Variants in ZBBX observed in about 807,000 individuals in gnomAD.
The protein encoded by ZBBX is zinc finger B-box domain-containing protein 1.
A neutral mutation model predicts 108.5 loss-of-function variants in ZBBX; 101 were observed. The ratio of observed to expected loss-of-function variants is 0.93; its 90% confidence interval spans 0.79 to 1.10. ZBBX has a LOEUF of 1.10. Ranked by LOEUF, ZBBX falls within the 50% of genes least tolerant of loss-of-function variation. The probability of loss-of-function intolerance (pLI) is 0.00; values close to 1 mark genes in which losing one functional copy is unlikely to be tolerated. For synonymous variants in ZBBX, 356 were observed against 323.4 expected (o/e 1.10, Z -1.08); for missense variants, 1,009 against 941.4 (o/e 1.07, Z -0.94).
At chr3:167,355,262 C>T (rs1743355563) in intron 8 of ZBBX, among the ~76,000 whole-genome samples, 2 of 151,974 alleles carry the variant, frequency 1.3e-5, no homozygotes, top group South Asian at 4.1e-4. Flanking sequence ...CAACAAAACA[C>T]ACTGTTTATT....
chr3:167,366,681 T>C (rs575908971), intron 5 of ZBBX: 56 of 357,960 alleles, frequency 1.6e-4, no homozygotes, highest in African/African-American at 1.1e-3. Flanking sequence ...TTAATATCTG[T>C]GTGACCTCAG....
At chr3:167,330,868 G>GAAGAAGAAGAAGAAGAAGAAGA (rs1553820652) in intron 10 of ZBBX, among the ~76,000 whole-genome samples, 800 of 43,024 alleles carry the variant, frequency 0.019, 18 homozygotes, top group Middle Eastern at 0.047. Context: ...GGAGGAGGAG[G>GAAGAAGAAGAAGAAGAAGAAGA]AGGAGAAGAA....
chr3:167,249,204 A>G (rs925561009), intron 20 of ZBBX, among the ~76,000 whole-genome samples: 1 of 151,904 alleles, frequency 6.6e-6, no homozygotes, highest in Non-Finnish European at 1.5e-5. Context: ...GGAAGGAACC[A>G]TTCATTTCTA....
rs890026621 is a variant in ZBBX at position 167,289,039 on chromosome 3, T to C, written c.1880-56A>G. 1.5e-5 allele frequency: 19 copies of C among 1,257,646 alleles called. No individual in the cohort carries two copies. In the African/African-American group the frequency reaches 2.8e-4, roughly 19 times the overall value. The allele number at this position is 1,257,646 out of a possible 1,614,324, so 77.9% of individuals were successfully genotyped here. ...AGTTTGAAAAGAAGAAAATCCATTT[T>C]ATTAGTTTTATATTTATGTCTTACT... On this transcript the variant is annotated intron_variant, in intron 18 of 21. Coordinates refer to ENST00000675490, the MANE Select transcript of ZBBX (RefSeq NM_001199201.2).
chr3:167,251,074 C>T (rs1007215468), intron 20 of ZBBX, among the ~76,000 whole-genome samples: 1 of 152,140 alleles, frequency 6.6e-6, no homozygotes, highest in Non-Finnish European at 1.5e-5. Flanking sequence ...AGACCACTGA[C>T]CAGCAGGCCA....
chr3:167,234,835 A>G, the ZBBX span, among the ~76,000 whole-genome samples: 1 of 151,772 alleles, frequency 6.6e-6, no homozygotes, highest in South Asian at 2.1e-4. Context: ...TTGCATCTAG[A>G]CATAGCTAAA....
intron 1 of ZBBX, among the ~76,000 whole-genome samples, chr3:167,398,468 T>A (rs778856703): frequency 1.2e-4 from 18 of 152,104 alleles, no homozygotes; most frequent in Non-Finnish European, 2.5e-4. Flanking sequence ...TCTGGATTTT[T>A]ATGAACTTTA....
intron 8 of ZBBX, among the ~76,000 whole-genome samples, chr3:167,352,750 C>A: frequency 6.7e-6 from 1 of 150,310 alleles, no homozygotes; most frequent in South Asian, 2.1e-4. Flanking sequence ...CAAATTGAAT[C>A]CAACAACACA....
chr3:167,241,171 G>A (rs1258287970), intron 21 of ZBBX, among the ~76,000 whole-genome samples: 4 of 152,148 alleles, frequency 2.6e-5, no homozygotes, highest in Non-Finnish European at 5.9e-5. Context: ...TATGGTCTCT[G>A]ATTGTGTCTT....
intron 20 of ZBBX, among the ~76,000 whole-genome samples, chr3:167,245,429 CTTGT>C (rs1453529002): frequency 6.6e-6 from 1 of 152,098 alleles, no homozygotes; most frequent in African/African-American, 2.4e-5. Flanking sequence ...TGCACTATGT[CTTGT>C]TTATTTCTCC....
intron 1 of ZBBX, among the ~76,000 whole-genome samples, chr3:167,404,136 A>C (rs1648142965): frequency 6.6e-6 from 1 of 152,190 alleles, no homozygotes; most frequent in South Asian, 2.1e-4. Context: ...TGGTTCGGCT[A>C]TATGAATAGC....
chr3:167,405,809 C>T (rs6777059), intron 1 of ZBBX, among the ~76,000 whole-genome samples: 26,314 of 152,114 alleles, frequency 0.17, 2,646 homozygotes, highest in East Asian at 0.33. Context: ...TGGTGGCTGA[C>T]GCCTGTAATC....
At chr3:167,274,782 C>T (rs960852022) in intron 20 of ZBBX, among the ~76,000 whole-genome samples, 3 of 152,078 alleles carry the variant, frequency 2.0e-5, no homozygotes, top group Admixed American at 2.0e-4. Context: ...AAAATATTTA[C>T]AAGTAGCCAA....
intron 20 of ZBBX, among the ~76,000 whole-genome samples, chr3:167,267,689 G>C (rs1321973360): frequency 6.6e-6 from 1 of 152,152 alleles, no homozygotes; most frequent in Non-Finnish European, 1.5e-5. Flanking sequence ...AATGATAAAA[G>C]TTCAGTGTTC....
chr3:167,330,862 GAGGAGGAGGAGAAGA>G (rs1318267284), intron 10 of ZBBX, among the ~76,000 whole-genome samples: 2 of 13,568 alleles, frequency 1.5e-4, no homozygotes, highest in East Asian at 8.0e-3. Context: ...GGAGGAGGAG[GAGGAGGAGGAGAAGA>G]AGAAGAAGAA....
At chr3:167,372,165 C>T (rs908678361) in intron 4 of ZBBX, among the ~76,000 whole-genome samples, 4 of 151,988 alleles carry the variant, frequency 2.6e-5, no homozygotes, top group South Asian at 2.1e-4. Context: ...GAGCCGAGAC[C>T]GTGCCAGTGC....
the ZBBX span, among the ~76,000 whole-genome samples, chr3:167,190,538 G>T: frequency 1.3e-5 from 2 of 151,834 alleles, no homozygotes; most frequent in African/African-American, 2.4e-5. Context: ...CTGCCACCAC[G>T]CCCGGCTAAT....
chr3:167,312,606 G>A lies in ZBBX; in HGVS notation c.1417+1368C>T, dbSNP rs151219610. Among the ~76,000 whole-genome samples, 23 of 152,242 alleles carry A rather than the reference G, an allele frequency of 1.5e-4. No homozygotes were observed. In the East Asian group the frequency reaches 4.4e-3, roughly 29 times the overall value. ...TGTGAACCTAAAACTGCTCTAAAAA[G>A]TAAACATTTCAAAAATGTGTCTTTA... is the stretch of plus-strand genomic sequence containing the variant. On this transcript the variant is annotated intron_variant, in intron 16 of 21. Transcript: ENST00000675490.
At chr3:167,372,253 C>A (rs1474652915) in intron 4 of ZBBX, among the ~76,000 whole-genome samples, 1 of 152,022 alleles carries the variant, frequency 6.6e-6, no homozygotes, top group Admixed American at 6.6e-5. Context: ...CTGGCTCTTA[C>A]TGATATTGAA....
Sources: allele counts gnomAD v4.1 joint callset (sites outside exome capture counted in the v4.1 genomes callset), GRCh38; gene constraint gnomAD v4.1.1; transcripts MANE v1.5; gene names NCBI Gene and HGNC (gene_info 2026-07-23, HGNC 2026-07-21).